FSTL4: variants seen among roughly 807,000 people sequenced by gnomAD.
FSTL4 encodes the protein follistatin-related protein 4.
In FSTL4, 28 loss-of-function variants were observed where a neutral mutation model predicts 78.2. The ratio of observed to expected loss-of-function variants is 0.36; its 90% CI spans 0.27 to 0.49. The LOEUF (loss-of-function observed/expected upper bound fraction) is 0.49. Ranked by LOEUF, FSTL4 falls within the 20% of genes least tolerant of loss-of-function variation. The pLI is 0.98. For synonymous variants in FSTL4, 422 were observed against 440.5 expected (o/e 0.96, Z 0.53); for missense variants, 922 against 1,084.9 (o/e 0.85, Z 2.11).
At chr5:133,517,928 C>A (rs763616364) in intron 3 of FSTL4, among the ~76,000 whole-genome samples, 1 of 152,156 alleles carries the variant, frequency 6.6e-6, no homozygotes, top group East Asian at 1.9e-4. Context: ...TGAGGTCCAC[C>A]CACATTATGG....
the FSTL4 span, among the ~76,000 whole-genome samples, chr5:133,644,074 G>A: frequency 2.0e-5 from 3 of 152,126 alleles, no homozygotes; most frequent in Non-Finnish European, 4.4e-5. Context: ...GTGGGAAAAG[G>A]GTAAAGGTAT....
chr5:133,565,051 C>A (rs1169404733), intron 3 of FSTL4, among the ~76,000 whole-genome samples: 1 of 152,164 alleles, frequency 6.6e-6, no homozygotes, highest in Non-Finnish European at 1.5e-5. Context: ...AAACAGGAAA[C>A]CTCCTCAGGT....
At chr5:133,246,831 A>G (rs1435448370) in intron 7 of FSTL4, 2 of 152,240 alleles carry the variant, frequency 1.3e-5, no homozygotes, top group Non-Finnish European at 2.9e-5. Flanking sequence ...GATGACAGTG[A>G]TAATAGCATT....
chr5:133,224,607 A>G (rs2126792983), intron 10 of FSTL4, among the ~76,000 whole-genome samples: 1 of 152,364 alleles, frequency 6.6e-6, no homozygotes, highest in East Asian at 1.9e-4. Context: ...ACTTCTGATT[A>G]TCTACTTTGA....
chr5:133,628,913 G>A, the FSTL4 span, among the ~76,000 whole-genome samples: 1 of 129,078 alleles, frequency 7.7e-6, no homozygotes, highest in East Asian at 2.1e-4. Context: ...ATACAATCAT[G>A]TCGTCTGCAA....
chr5:133,240,891 A>AG (rs1466373557), intron 7 of FSTL4, among the ~76,000 whole-genome samples: 1 of 152,152 alleles, frequency 6.6e-6, no homozygotes, highest in Non-Finnish European at 1.5e-5. Context: ...GGCTACAGGG[A>AG]GGCAATCTCT....
At chr5:133,398,862 G>A (rs1169296862) in intron 4 of FSTL4, among the ~76,000 whole-genome samples, 4 of 152,166 alleles carry the variant, frequency 2.6e-5, no homozygotes, top group Admixed American at 6.5e-5. Context: ...CTTAAGAGAG[G>A]AGCACTGCTA....
intron 3 of FSTL4, 60 bp from the exon 4 acceptor site, chr5:133,401,046 G>A (rs1756213438): frequency 6.3e-7 from 1 of 1,582,308 alleles, no homozygotes; most frequent in Non-Finnish European, 8.6e-7. Context: ...TGGGGTCGAG[G>A]GCTTCCTTTG....
At chr5:133,814,909 T>A in the FSTL4 span, among the ~76,000 whole-genome samples, 1 of 152,252 alleles carries the variant, frequency 6.6e-6, no homozygotes, top group Non-Finnish European at 1.5e-5. Context: ...TGCTCCAATT[T>A]GTTTCCTCTC....
chr5:133,217,211 T>A lies in FSTL4; in HGVS notation c.1608+18A>T. The A allele has an allele frequency of 1.3e-6, 2 of 1,598,626 alleles. No individual in the cohort carries two copies. The highest frequency in any genetic ancestry group is 1.7e-6 in the Non-Finnish European group (2 of 1,169,144). Reference sequence around the variant, plus strand: ...CCCCAGAATTTGAAGTTTTCCTCACTCCATTAAAGAGGTGTACCTGTAGGA... The same window carrying A: ...CCCCAGAATTTGAAGTTTTCCTCACACCATTAAAGAGGTGTACCTGTAGGA... On this transcript the variant is annotated intron_variant, in intron 13 of 15. Coordinates refer to ENST00000265342, the MANE Select transcript of FSTL4 (RefSeq NM_015082.2).
At chr5:133,425,548 G>T (rs1222202341) in intron 3 of FSTL4, among the ~76,000 whole-genome samples, 3 of 152,232 alleles carry the variant, frequency 2.0e-5, no homozygotes, top group Admixed American at 2.0e-4. Context: ...GCAGACTCTT[G>T]TGAGGAAAGA....
chr5:133,217,521 C>T, intron 12 of FSTL4, 143 bp from the exon 13 acceptor site: 1 of 692,662 alleles, frequency 1.4e-6, no homozygotes. Flanking sequence ...GGCACCCAAG[C>T]CCTCCAACAT....
At chr5:133,400,354 AGCACAGCCTCC>A (rs1561703119) in intron 4 of FSTL4, among the ~76,000 whole-genome samples, 1 of 152,192 alleles carries the variant, frequency 6.6e-6, no homozygotes, top group Non-Finnish European at 1.5e-5. Context: ...TTCTATGCAC[AGCACAGCCTCC>A]TGATTCATGG....
intron 2 of FSTL4, among the ~76,000 whole-genome samples, chr5:133,568,647 G>A (rs374329224): frequency 6.6e-5 from 10 of 152,236 alleles, no homozygotes; most frequent in South Asian, 2.1e-4. Context: ...CAGAGGAGGC[G>A]GCATAGAGAT....
chr5:133,760,083 T>C, the FSTL4 span, among the ~76,000 whole-genome samples: 381 of 152,298 alleles, frequency 2.5e-3, no homozygotes, highest in African/African-American at 9.0e-3. Context: ...GGCCTGTCCC[T>C]GGAGATTGTA....
At chr5:133,586,258 C>A (rs1449162396) in intron 2 of FSTL4, among the ~76,000 whole-genome samples, 1 of 105,450 alleles carries the variant, frequency 9.5e-6, no homozygotes, top group African/African-American at 3.3e-5. Context: ...CAAAAGCTAG[C>A]AGAAGGCAAG....
At chr5:133,364,909 C>G (rs1257228545) in intron 4 of FSTL4, among the ~76,000 whole-genome samples, 1 of 152,094 alleles carries the variant, frequency 6.6e-6, no homozygotes, top group African/African-American at 2.4e-5. Context: ...GTTCATCCCC[C>G]TCTTAATCTC....
At chr5:133,689,033 G>A in the FSTL4 span, among the ~76,000 whole-genome samples, 2 of 151,510 alleles carry the variant, frequency 1.3e-5, no homozygotes, top group African/African-American at 4.9e-5. Context: ...TGGTGTCATT[G>A]CTTGGGTCCC....
chr5:133,515,392 C>T (rs570237243), intron 3 of FSTL4, among the ~76,000 whole-genome samples: 1 of 147,296 alleles, frequency 6.8e-6, no homozygotes, highest in South Asian at 2.2e-4. Context: ...AACCCCATCT[C>T]TTAAAAGGAA....
Sources: gnomAD v4.1 joint callset for allele counts (sites outside exome capture counted in the v4.1 genomes callset) on GRCh38, gnomAD v4.1.1 for gene constraint, MANE v1.5 for transcripts, NCBI Gene and HGNC (gene_info 2026-07-23, HGNC 2026-07-21) for gene names.